The following RNF146 variants were observed in gnomAD, a reference collection of about 807,000 sequenced individuals.
RNF146 encodes ring finger protein 146.
RNF146 carries 11 observed loss-of-function variants against 29.7 expected under a neutral mutation model. The observed-to-expected ratio is 0.37, with a 90% CI of 0.23 to 0.61. The LOEUF (loss-of-function observed/expected upper bound fraction) is 0.61. RNF146 is among the 20% of genes least tolerant of loss of function. The probability of loss-of-function intolerance (pLI) is 0.66; values close to 1 mark genes in which losing one functional copy is unlikely to be tolerated. For missense variants in RNF146, 342 were observed against 438.9 expected (o/e 0.78, Z 1.97); for synonymous variants, 150 against 159.7 (o/e 0.94, Z 0.46).
chr6:127,274,724 T>C (rs1284653822), intron 1 of RNF146, among the ~76,000 whole-genome samples: 2 of 152,120 alleles, frequency 1.3e-5, no homozygotes, highest in African/African-American at 4.8e-5. Context: ...GCAGTGCTAA[T>C]GACCAACAGC....
At chr6:127,272,047 C>T (rs866300234) in intron 1 of RNF146, among the ~76,000 whole-genome samples, 1 of 152,172 alleles carries the variant, frequency 6.6e-6, no homozygotes, top group Non-Finnish European at 1.5e-5. Flanking sequence ...CTGTGAGAGA[C>T]AATACATTGT....
rs374161745 is a variant in RNF146, at chr6:127,280,475, TTTA to T, written c.2+139_2+141del. ...GCATTTTCTTTTGACTTATAGGTGCTTTATTAACAATTTATTTACATTAAGTTA... is the reference window on the plus strand; with the variant it reads ...GCATTTTCTTTTGACTTATAGGTGCTTTAACAATTTATTTACATTAAGTTA... On this transcript the variant is annotated intron_variant, in intron 2 of 2. Transcript: ENST00000368314. The T allele has an allele frequency of 1.5e-4, 200 of 1,316,826 alleles. 1 individual carries two copies. The African/African-American group carries it at 2.7e-3, about 18-fold the overall frequency. The allele number at this position is 1,316,826 out of a possible 1,614,324, so 81.6% of individuals were successfully genotyped here.
chr6:127,287,495 T>C lies in RNF146; in HGVS notation c.882T>C (p.Ser294=), dbSNP rs973650958. The change falls in exon 3 of 3, where the codon AGT becomes AGC. Residue 294 remains serine (S), a synonymous_variant. Transcript: ENST00000368314. ...SIEETESDAS[S]DSEDVSAVVA... ...AAGAAACTGAATCAGATGCCAGTAG[T>C]GATAGTGAGGATGTATCTGCAGTTG... 1 of 1,613,236 alleles carries C rather than the reference T, an allele frequency of 6.2e-7. No individual in the cohort carries two copies. The highest frequency in any genetic ancestry group is 1.3e-5 in the African/African-American group (1 of 74,936).
At chr6:127,268,522 C>G (rs1776991996) in intron 1 of RNF146, among the ~76,000 whole-genome samples, 2 of 152,194 alleles carry the variant, frequency 1.3e-5, no homozygotes. Context: ...GAACACCACT[C>G]TAAAAATAGA....
At position 127,286,543 on chromosome 6, in the gene RNF146, T is replaced by C; in HGVS notation, c.3-73T>C. The C allele has an allele frequency of 7.5e-7, 1 of 1,339,216 alleles. No homozygotes were observed. Among genetic ancestry groups the C allele is most frequent in the Non-Finnish European group, 1.0e-6 (1 of 977,262 alleles). The allele number at this position is 1,339,216 out of a possible 1,614,324, so 83.0% of individuals were successfully genotyped here. On this transcript the variant is annotated intron_variant, in intron 2 of 2. Transcript: ENST00000368314. The surrounding 1 kb of genome is among the most constrained non-coding windows in gnomAD (Gnocchi z 4.6). The stretch of plus-strand genomic sequence containing the variant: ...TAATGCACATCATAGGTGGTTAGTG[T>C]TTTCATAATTGTTAAATTAAGATAT...
chr6:127,285,968 A>G, intron 2 of RNF146: 1 of 1,042,504 alleles, frequency 9.6e-7, no homozygotes, highest in Non-Finnish European at 1.2e-6. Flanking sequence ...CTGAATCAAT[A>G]AGGCAGAAAT....
At chr6:127,278,600 G>A (rs997660671) in intron 1 of RNF146, among the ~76,000 whole-genome samples, 1 of 151,954 alleles carries the variant, frequency 6.6e-6, no homozygotes, top group African/African-American at 2.4e-5. Context: ...TACTTGAATT[G>A]TGTCCACCTT....
chr6:127,282,071 G>C (rs753567903), intron 2 of RNF146, among the ~76,000 whole-genome samples: 1 of 151,602 alleles, frequency 6.6e-6, no homozygotes, highest in Non-Finnish European at 1.5e-5. Context: ...ATGGTGTTTA[G>C]GAAATCAAAA....
chr6:127,276,137 A>C (rs1218380486), intron 1 of RNF146, among the ~76,000 whole-genome samples: 1 of 151,806 alleles, frequency 6.6e-6, no homozygotes, highest in Non-Finnish European at 1.5e-5. Context: ...TAGCCTGGGA[A>C]ACAGACTGTA....
rs1562296035 is a variant in RNF146 at position 127,288,203 on chromosome 6, A to G, written c.*510A>G. The G allele has an allele frequency of 6.0e-6, 1 of 167,056 alleles. No individual in the cohort carries two copies. Among genetic ancestry groups the G allele is most frequent in the Non-Finnish European group, 1.5e-5 (1 of 68,284 alleles). 10.3% of individuals were successfully genotyped at this position (167,056 alleles called of 1,614,324 possible). On this transcript the variant is annotated 3_prime_UTR_variant, in exon 3 of 3. Transcript: ENST00000368314. Reference sequence around the variant, plus strand: ...TAGTAAAGTTATTGAAATGGAAATGAAAACAGCCAGTAACTTATGTTTCAG... The same window carrying G: ...TAGTAAAGTTATTGAAATGGAAATGGAAACAGCCAGTAACTTATGTTTCAG...
At chr6:127,271,885 C>T (rs1223642392) in intron 1 of RNF146, among the ~76,000 whole-genome samples, 1 of 152,126 alleles carries the variant, frequency 6.6e-6, no homozygotes, top group Non-Finnish European at 1.5e-5. Context: ...TAGGCTCAAG[C>T]CATCCTCCTG....
rs773819934 is a variant in RNF146 at position 127,287,596 on chromosome 6, G to T, written c.983G>T (p.Arg328Leu). 4.0e-5 allele frequency: 65 copies of T among 1,612,522 alleles called. No homozygotes were observed. The highest frequency in any genetic ancestry group is 5.0e-5 in the Non-Finnish European group (59 of 1,179,274). The part of the protein sequence containing the change: ...ANQTVPDRSD[R>L]SGTDRSVAGG... ...CAGACAGTACCCGATCGATCAGATC[G>T]ATCGGGAACTGATCGATCAGTAGCA... The change falls in exon 3 of 3, where the codon CGA becomes CTA. Residue 328 changes from arginine (R) to leucine (L), a missense_variant. Coordinates refer to ENST00000368314, the MANE Select transcript of RNF146 (RefSeq NM_001242850.2).
At position 127,287,255 on chromosome 6, in the gene RNF146, C is replaced by G. The variant is rs376235917; in HGVS notation, c.642C>G (p.Pro214=). ...CACAGAGTGGAGCTTCTGTTCAGCC[C>G]CTAGTGTCTTCTGTAAGGCCCCTAA... ...VSAQSGASVQ[P]LVSSVRPLTS... is the part of the protein sequence containing the mutation. The change falls in exon 3 of 3, where the codon CCC becomes CCG. Residue 214 remains proline (P), a synonymous_variant. Coordinates refer to ENST00000368314, the MANE Select transcript of RNF146 (RefSeq NM_001242850.2). The G allele has an allele frequency of 5.6e-6, 9 of 1,613,202 alleles. No homozygotes were observed. Among genetic ancestry groups the G allele is most frequent in the Non-Finnish European group, 7.6e-6 (9 of 1,179,630 alleles).
At chr6:127,283,582 T>C (rs1243983465) in intron 2 of RNF146, among the ~76,000 whole-genome samples, 2 of 151,828 alleles carry the variant, frequency 1.3e-5, no homozygotes, top group Non-Finnish European at 2.9e-5. Flanking sequence ...GTATGTCTTA[T>C]AGGTAGACTA....
chr6:127,279,164 C>CT (rs1778623335), intron 1 of RNF146, among the ~76,000 whole-genome samples: 1 of 151,828 alleles, frequency 6.6e-6, no homozygotes, highest in Non-Finnish European at 1.5e-5. Flanking sequence ...GTTTCTCATG[C>CT]TTTTGATGTC....
At chr6:127,284,951 C>G (rs1779332053) in intron 2 of RNF146, among the ~76,000 whole-genome samples, 1 of 151,686 alleles carries the variant, frequency 6.6e-6, no homozygotes, top group Non-Finnish European at 1.5e-5. Context: ...CTTTTTCTTC[C>G]AGTGTGGCCC....
At chr6:127,284,549 C>T (rs905509157) in intron 2 of RNF146, among the ~76,000 whole-genome samples, 2 of 151,848 alleles carry the variant, frequency 1.3e-5, no homozygotes, top group Non-Finnish European at 1.5e-5. Context: ...TGACCTAAAT[C>T]GAAAGGGATG....
chr6:127,271,015 C>T (rs1777406660), intron 1 of RNF146, among the ~76,000 whole-genome samples: 1 of 151,994 alleles, frequency 6.6e-6, no homozygotes, highest in South Asian at 2.1e-4. Flanking sequence ...GGGGTTTCAC[C>T]ATGTTGGCCA....
chr6:127,286,552 T>G lies in RNF146; in HGVS notation c.3-64T>G. The G allele has an allele frequency of 7.1e-7, 1 of 1,400,502 alleles. No homozygotes were observed. Among genetic ancestry groups the G allele is most frequent in the Non-Finnish European group, 9.7e-7 (1 of 1,027,698 alleles). The allele number at this position is 1,400,502 out of a possible 1,614,324, so 86.8% of individuals were successfully genotyped here. On this transcript the variant is annotated intron_variant, in intron 2 of 2. Coordinates refer to ENST00000368314, the MANE Select transcript of RNF146 (RefSeq NM_001242850.2). The surrounding 1 kb of genome is among the most constrained non-coding windows in gnomAD (Gnocchi z 4.6). ...TCATAGGTGGTTAGTGTTTTCATAA[T>G]TGTTAAATTAAGATATTGCAAGAAT... is the stretch of plus-strand genomic sequence containing the variant.
Sources: allele counts gnomAD v4.1 joint callset (sites outside exome capture counted in the v4.1 genomes callset), GRCh38; gene constraint gnomAD v4.1.1; non-coding constraint Gnocchi (gnomAD v3.1); transcripts MANE v1.5; gene names NCBI Gene and HGNC (gene_info 2026-07-23, HGNC 2026-07-21).